The following VPS13B variants were observed in gnomAD, a reference collection of about 807,000 sequenced individuals.
VPS13B encodes intermembrane lipid transfer protein VPS13B.
A neutral mutation model predicts 426.4 loss-of-function variants in VPS13B; 285 were observed. That is an observed-to-expected ratio of 0.67 (90% CI 0.61 to 0.74). VPS13B has a LOEUF of 0.74. Among genes scored for constraint, VPS13B ranks in the 30% least tolerant of loss-of-function variants. The pLI is 0.00. For synonymous variants in VPS13B, 1,676 were observed against 1,676.4 expected (o/e 1.00, Z 0.01); for missense variants, 4,537 against 4,782.6 (o/e 0.95, Z 1.51).
intron 33 of VPS13B, among the ~76,000 whole-genome samples, chr8:99,594,986 A>T (rs997775504): frequency 2.0e-5 from 3 of 151,976 alleles, no homozygotes; most frequent in African/African-American, 7.2e-5. Flanking sequence ...AGCTCTTTGC[A>T]ATAGATGAAG....
At chr8:99,499,673 G>A (rs1475296060) in intron 25 of VPS13B, among the ~76,000 whole-genome samples, 2 of 152,098 alleles carry the variant, frequency 1.3e-5, no homozygotes, top group African/African-American at 4.8e-5. Context: ...AATTTCTATT[G>A]TAGCAGATTT....
At chr8:99,409,437 G>A (rs1030242873) in intron 21 of VPS13B, among the ~76,000 whole-genome samples, 2 of 152,082 alleles carry the variant, frequency 1.3e-5, no homozygotes, top group Admixed American at 6.6e-5. Flanking sequence ...TAATCCCTCT[G>A]GGATTACAGG....
At chr8:99,524,010 CAGA>C (rs1822515389) in intron 30 of VPS13B, among the ~76,000 whole-genome samples, 1 of 151,986 alleles carries the variant, frequency 6.6e-6, no homozygotes, top group Non-Finnish European at 1.5e-5. Context: ...AGAAGGAATT[CAGA>C]ATTGTATCAG....
intron 19 of VPS13B, among the ~76,000 whole-genome samples, chr8:99,297,004 A>G (rs1041026751): frequency 1.3e-5 from 2 of 151,926 alleles, no homozygotes; most frequent in African/African-American, 4.8e-5. Flanking sequence ...ATATTTGTGT[A>G]TTTATATATA....
At chr8:99,249,932 GA>G (rs1444205453) in intron 17 of VPS13B, among the ~76,000 whole-genome samples, 2 of 152,134 alleles carry the variant, frequency 1.3e-5, no homozygotes, top group African/African-American at 4.8e-5. Flanking sequence ...TGGTGGGGGA[GA>G]AACTGCCAAA....
rs931576697 is a variant in VPS13B at position 99,435,153 on chromosome 8, A to G, written c.3210+3489A>G. Among the ~76,000 whole-genome samples, 9 of 152,176 alleles carry G rather than the reference A, an allele frequency of 5.9e-5. No homozygotes were observed. In the South Asian group the frequency reaches 6.2e-4, roughly 10 times the overall value. On this transcript the variant is annotated intron_variant, in intron 22 of 61. Transcript: ENST00000357162. ...ACTTCCTGGTTTGTGATGAATTTAG[A>G]TATTATCCTAGGTAAGTATTTATTG...
intron 21 of VPS13B, among the ~76,000 whole-genome samples, chr8:99,410,029 A>G (rs1007678224): frequency 2.0e-5 from 3 of 152,180 alleles, no homozygotes; most frequent in African/African-American, 7.2e-5. Flanking sequence ...AAAAGGTGGG[A>G]TGGGGGAATA....
rs757566323 is a variant in VPS13B at position 99,431,679 on chromosome 8, A to C, written c.3210+15A>C. ...TCACACTACAGGTAAAATAAAAGTT[A>C]GAAATATTATGGATATAATTTCTAT... On this transcript the variant is annotated intron_variant, in intron 22 of 61. Transcript: ENST00000357162. 9.3e-6 allele frequency: 15 copies of C among 1,610,488 alleles called. No homozygotes were observed.
Position 99,586,482 on chromosome 8 carries a change from C to A in VPS13B, c.5220+8849C>A, listed in dbSNP as rs575303806. On this transcript the variant is annotated intron_variant, in intron 33 of 61. Transcript: ENST00000357162. ...TAATACCTGAGTCATCCCGTCTTCC[C>A]AACTAGTCTAGTCCTTCTTAATGAG... Among the ~76,000 whole-genome samples, 24 of 152,214 alleles carry A rather than the reference C, an allele frequency of 1.6e-4. No homozygotes were observed. The East Asian group carries it at 4.5e-3, about 28-fold the overall frequency.
Position 99,699,866 on chromosome 8 carries a change from T to C in VPS13B, c.6388T>C (p.Cys2130Arg), listed in dbSNP as rs1832195000. ...AACTGTACCCCATACCAGCAAACCATGCCTGTTAGCATCTCTCTCAAACCT... is the reference window on the plus strand; with the variant it reads ...AACTGTACCCCATACCAGCAAACCACGCCTGTTAGCATCTCTCTCAAACCT... ...METVPHTSKP[C>R]LLASLSNLNG... The change falls in exon 36 of 62, where the codon TGC becomes CGC. Residue 2130 changes from cysteine to arginine, a missense_variant. Physicochemically the swap from Cys to Arg is radical, Grantham distance 180. Around this residue, in one of 2 missense-constraint regions of VPS13B, gnomAD observed 4,311 missense variants for 4,474.3 expected, o/e 0.96. Coordinates refer to ENST00000357162, the MANE Select transcript of VPS13B (RefSeq NM_152564.5). 7 of 1,613,750 alleles carry C rather than the reference T, an allele frequency of 4.3e-6. No homozygotes were observed. The highest frequency in any genetic ancestry group is 5.9e-6 in the Non-Finnish European group (7 of 1,179,948).
chr8:99,308,252 C>T (rs1466514882), intron 19 of VPS13B, among the ~76,000 whole-genome samples: 1 of 151,670 alleles, frequency 6.6e-6, no homozygotes, highest in Non-Finnish European at 1.5e-5. Flanking sequence ...CATATGTATA[C>T]ATGCACCACG....
At chr8:99,503,960 G>T (rs184147239) in intron 27 of VPS13B, among the ~76,000 whole-genome samples, 1 of 152,090 alleles carries the variant, frequency 6.6e-6, no homozygotes, top group East Asian at 1.9e-4. Context: ...TAGAACCTTC[G>T]GAAGAATCAC....
At chr8:99,711,360 G>A (rs1832702791) in intron 36 of VPS13B, among the ~76,000 whole-genome samples, 1 of 152,178 alleles carries the variant, frequency 6.6e-6, no homozygotes, top group South Asian at 2.1e-4. Flanking sequence ...ATTTATATCT[G>A]TAGATTTTGT....
At chr8:99,239,288 T>A (rs777965600) in intron 17 of VPS13B, among the ~76,000 whole-genome samples, 1 of 152,198 alleles carries the variant, frequency 6.6e-6, no homozygotes, top group Non-Finnish European at 1.5e-5. Context: ...TAGAGTAATC[T>A]TAAGTACATT....
At chr8:99,335,538 A>G (rs1810794411) in intron 19 of VPS13B, among the ~76,000 whole-genome samples, 1 of 152,176 alleles carries the variant, frequency 6.6e-6, no homozygotes, top group Admixed American at 6.5e-5. Flanking sequence ...AGAAGGAAAT[A>G]AAGGGTATTC....
At chr8:99,655,150 T>C (rs1257639498) in intron 34 of VPS13B, among the ~76,000 whole-genome samples, 1 of 152,216 alleles carries the variant, frequency 6.6e-6, no homozygotes, top group Non-Finnish European at 1.5e-5. Context: ...TAACTTCTAG[T>C]TTAGAAAATG....
chr8:99,403,743 A>G (rs2133341549), intron 21 of VPS13B, among the ~76,000 whole-genome samples: 1 of 152,324 alleles, frequency 6.6e-6, no homozygotes, highest in Non-Finnish European at 1.5e-5. Context: ...ATGCAAGAAT[A>G]GTAGAAACAT....
intron 3 of VPS13B, among the ~76,000 whole-genome samples, chr8:99,088,093 A>G (rs956062686): frequency 6.6e-6 from 1 of 151,270 alleles, no homozygotes; most frequent in African/African-American, 2.4e-5. Context: ...TTGAGGCAGG[A>G]GAATTGCTTG....
At chr8:99,631,896 T>C (rs1486453899) in intron 33 of VPS13B, among the ~76,000 whole-genome samples, 2 of 151,998 alleles carry the variant, frequency 1.3e-5, no homozygotes, top group African/African-American at 4.8e-5. Flanking sequence ...TATTTCACAT[T>C]TTGCTAATTA....
Sources: allele counts gnomAD v4.1 joint callset (sites outside exome capture counted in the v4.1 genomes callset), GRCh38; gene constraint gnomAD v4.1.1; regional missense constraint gnomAD v4.1.1; transcripts MANE v1.5; gene names NCBI Gene and HGNC (gene_info 2026-07-23, HGNC 2026-07-21).